Variants in DYNC2I1 observed in about 807,000 individuals in gnomAD.
DYNC2I1 encodes the protein cytoplasmic dynein 2 intermediate chain 1.
In DYNC2I1, 89 loss-of-function variants were observed where a neutral mutation model predicts 133.4. That is an observed-to-expected ratio of 0.67 (90% CI 0.56 to 0.80). The LOEUF is 0.80. DYNC2I1 is among the 30% of genes least tolerant of loss of function. The pLI is 0.00. For synonymous variants in DYNC2I1, 504 were observed against 484.3 expected, an observed-to-expected ratio of 1.04 and a Z score of -0.54; for missense variants, 1,291 against 1,314.5, an observed-to-expected ratio of 0.98 and a Z score of 0.28.
At chr7:158,919,112 T>C (rs10223983) in intron 15 of DYNC2I1, among the ~76,000 whole-genome samples, 2 of 152,052 alleles carry the variant, frequency 1.3e-5, no homozygotes, top group Non-Finnish European at 2.9e-5. Context: ...AATTTAAACA[T>C]GTGAGATTGT....
At chr7:158,914,129 A>G in intron 13 of DYNC2I1, 104 bp from the exon 14 acceptor site, 1 of 841,942 alleles carries the variant, frequency 1.2e-6, no homozygotes, top group South Asian at 1.9e-5. Context: ...TCCTTCTGGG[A>G]CTCTTAATGT....
At position 158,908,856 on chromosome 7, in the gene DYNC2I1, C is replaced by G. The variant is rs10244577; in HGVS notation, c.1461-2694C>G. 3.5e-3 allele frequency among the ~76,000 whole-genome samples: 540 copies of G among 152,264 alleles called. 8 individuals carry two copies. The highest frequency in any genetic ancestry group is 0.012 in the African/African-American group (488 of 41,552). On this transcript the variant is annotated intron_variant, in intron 11 of 24. Transcript: ENST00000407559. ...AAAGTAATGTGTTTGCTTGTTTTCT[C>G]TTACATTATTCCCCAGTCTCTCACC... is the stretch of plus-strand genomic sequence containing the variant.
At chr7:158,862,378 A>G (rs989660488) in intron 1 of DYNC2I1, among the ~76,000 whole-genome samples, 1 of 152,086 alleles carries the variant, frequency 6.6e-6, no homozygotes, top group African/African-American at 2.4e-5. Context: ...GTTATACATC[A>G]CTGAACTGCA....
chr7:158,873,229 G>A (rs6978311), intron 3 of DYNC2I1, among the ~76,000 whole-genome samples: 2,903 of 152,154 alleles, frequency 0.019, 73 homozygotes, highest in African/African-American at 0.066. Flanking sequence ...GGTTATATAG[G>A]TAGTATATGC....
downstream of DYNC2I1, among the ~76,000 whole-genome samples, chr7:158,946,535 GTA>G (rs1851884068): frequency 6.6e-6 from 1 of 152,268 alleles, no homozygotes; most frequent in Non-Finnish European, 1.5e-5. Flanking sequence ...CCCTCGCACA[GTA>G]GCGGAGGACA....
upstream of DYNC2I1, among the ~76,000 whole-genome samples, chr7:158,855,874 A>G (rs1841191638): frequency 6.6e-6 from 1 of 152,106 alleles, no homozygotes; most frequent in Admixed American, 6.6e-5. Context: ...TGTTTTTATC[A>G]AAAGACGACA....
intron 23 of DYNC2I1, among the ~76,000 whole-genome samples, chr7:158,934,985 A>C (rs1585227682): frequency 1.3e-5 from 2 of 152,266 alleles, no homozygotes; most frequent in Non-Finnish European, 2.9e-5. Context: ...AAACCTATGT[A>C]GAAATTAAAC....
chr7:158,958,301 G>A (rs1382588847), downstream of DYNC2I1, among the ~76,000 whole-genome samples: 2 of 152,220 alleles, frequency 1.3e-5, no homozygotes, highest in African/African-American at 4.8e-5. Flanking sequence ...TGCCGCGTGG[G>A]AGGCTCTGCA....
upstream of DYNC2I1, among the ~76,000 whole-genome samples, chr7:158,854,048 G>A (rs60561810): frequency 5.3e-3 from 807 of 151,946 alleles, 5 homozygotes; most frequent in African/African-American, 0.018. Context: ...GAAGTGGGGA[G>A]TGCTGATTGG....
intron 10 of DYNC2I1, chr7:158,902,816 G>A (rs888191328): frequency 1.7e-5 from 9 of 539,308 alleles, no homozygotes; most frequent in Middle Eastern, 4.9e-4. Context: ...GAAGTTGCAC[G>A]TCACTTTCTG....
Position 158,918,773 on chromosome 7 carries a change from G to A in DYNC2I1, c.1825G>A (p.Ala609Thr), listed in dbSNP as rs1848732245. The A allele has an allele frequency of 6.2e-7, 1 of 1,613,866 alleles. No homozygotes were observed. Among genetic ancestry groups the A allele is most frequent in the Non-Finnish European group, 8.5e-7 (1 of 1,179,866 alleles). The change falls in exon 15 of 25, where the codon GCA (alanine) becomes ACA (threonine). Residue 609 changes from alanine (A) to threonine (T), a missense_variant. Ala to Thr is a moderately conservative substitution (Grantham distance 58, BLOSUM62 0). Coordinates refer to ENST00000407559, the MANE Select transcript of DYNC2I1 (RefSeq NM_018051.5). ...MAVLLEEDRLAAEPSWNLRAQ... is the reference protein window; with the variant it reads ...MAVLLEEDRLTAEPSWNLRAQ... ...CGTTTTGCTGGAAGAGGATCGCTTG[G>A]CAGCTGAACCCAGCTGGAATCTTAG... is the stretch of plus-strand genomic sequence containing the variant.
chr7:158,843,732 T>C, the DYNC2I1 span, among the ~76,000 whole-genome samples: 1 of 152,136 alleles, frequency 6.6e-6, no homozygotes, highest in Non-Finnish European at 1.5e-5. Context: ...AATTACAAAC[T>C]AAAACGTGAC....
intron 15 of DYNC2I1, 38 bp from the exon 16 acceptor site, chr7:158,922,339 A>G: frequency 1.3e-6 from 2 of 1,587,342 alleles, no homozygotes; most frequent in Non-Finnish European, 1.7e-6. Flanking sequence ...GGATTCTGGC[A>G]GGTCGTTGAA....
At chr7:158,908,236 T>TA (rs1847039031) in intron 11 of DYNC2I1, among the ~76,000 whole-genome samples, 2 of 151,736 alleles carry the variant, frequency 1.3e-5, no homozygotes, top group South Asian at 2.1e-4. Context: ...GGAAAATAGA[T>TA]ACCTGCTTCA....
chr7:158,866,416 C>A (rs1480612663), intron 1 of DYNC2I1, among the ~76,000 whole-genome samples: 4 of 149,684 alleles, frequency 2.7e-5, no homozygotes, highest in African/African-American at 9.9e-5. Context: ...GGTTGGACTG[C>A]CCCTTGGTGT....
chr7:158,884,713 C>A, intron 6 of DYNC2I1, 94 bp downstream of exon 6: 2 of 1,309,430 alleles, frequency 1.5e-6, no homozygotes, highest in South Asian at 1.3e-5. Context: ...GACGGCCAGT[C>A]CATGGCAATC....
At chr7:158,889,900 G>A (rs1563118917) in intron 7 of DYNC2I1, among the ~76,000 whole-genome samples, 1 of 151,570 alleles carries the variant, frequency 6.6e-6, no homozygotes, top group Admixed American at 6.6e-5. Context: ...AAGCTACTTG[G>A]GAGGCTGAGG....
At chr7:158,846,704 T>C in the DYNC2I1 span, among the ~76,000 whole-genome samples, 59,777 of 152,082 alleles carry the variant, frequency 0.39, 12,099 homozygotes, top group East Asian at 0.65. Flanking sequence ...ATCTGTTTCT[T>C]TTTGAAATAT....
At chr7:158,902,310 C>T (rs554057194) in intron 9 of DYNC2I1, 66 bp from the exon 10 acceptor site, 2 of 1,322,378 alleles carry the variant, frequency 1.5e-6, no homozygotes, top group African/African-American at 2.9e-5. Context: ...ATGTTTTGTT[C>T]AGTATGAGGG....
Sources: allele counts gnomAD v4.1 joint callset (sites outside exome capture counted in the v4.1 genomes callset), GRCh38; gene constraint gnomAD v4.1.1; transcripts MANE v1.5; gene names NCBI Gene and HGNC (gene_info 2026-07-23, HGNC 2026-07-21).